ERBIN: variants seen among roughly 807,000 people sequenced by gnomAD.
ERBIN encodes the protein erbb2 interacting protein.
Under a neutral mutation model 158.4 loss-of-function variants are expected in ERBIN, and 60 were observed. The observed-to-expected ratio is 0.38, with a 90% CI of 0.31 to 0.47. ERBIN has a LOEUF of 0.47. Ranked by LOEUF, ERBIN falls within the 20% of genes least tolerant of loss-of-function variation. The pLI is 0.99. For missense variants in ERBIN, 1,610 were observed against 1,648.0 expected (o/e 0.98, Z 0.40); for synonymous variants, 594 against 557.2 (o/e 1.07, Z -0.93).
At chr5:65,996,809 T>C (rs1166356467) in intron 4 of ERBIN, among the ~76,000 whole-genome samples, 1 of 152,172 alleles carries the variant, frequency 6.6e-6, no homozygotes, top group Non-Finnish European at 1.5e-5. Context: ...TTTCATCAAA[T>C]GTTCTATAGT....
At chr5:65,940,481 C>T (rs1165436579) in intron 1 of ERBIN, among the ~76,000 whole-genome samples, 1 of 128,252 alleles carries the variant, frequency 7.8e-6, no homozygotes, top group Non-Finnish European at 1.7e-5. Context: ...GTCAGTCCCC[C>T]CCCCCCCGGC....
At chr5:65,957,611 C>T (rs993016701) in intron 1 of ERBIN, among the ~76,000 whole-genome samples, 2 of 152,222 alleles carry the variant, frequency 1.3e-5, no homozygotes, top group African/African-American at 4.8e-5. Context: ...CCCATGTCTA[C>T]TTCTTTCCAC....
chr5:65,987,692 A>G (rs375686100), intron 1 of ERBIN, among the ~76,000 whole-genome samples: 44 of 152,210 alleles, frequency 2.9e-4, no homozygotes, highest in African/African-American at 1.0e-3. Flanking sequence ...GTCTCTCTAA[A>G]GAGTTAGCCA....
chr5:65,942,908 CAAAAA>C (rs56041538), intron 1 of ERBIN, among the ~76,000 whole-genome samples: 2 of 138,670 alleles, frequency 1.4e-5, no homozygotes, highest in Non-Finnish European at 3.1e-5. Flanking sequence ...ACTCCGTCTC[CAAAAA>C]AAAAAAAAAA....
intron 1 of ERBIN, among the ~76,000 whole-genome samples, chr5:65,987,367 T>TACACAAACACACACACACACACACACAC (rs1751348869): frequency 2.2e-5 from 3 of 135,798 alleles, no homozygotes; most frequent in Non-Finnish European, 4.7e-5. Context: ...AGAGACTGTC[T>TACACAAACACACACACACACACACACAC]ACACACACAC....
At position 66,051,509 on chromosome 5, in the gene ERBIN, G is replaced by GA. The variant is rs988047290; in HGVS notation, c.2087+552dup. On this transcript the variant is annotated intron_variant, in intron 20 of 25. Transcript: ENST00000284037. ...ATAATGTTGGCAGTGGGTTTGAAAAGAAAAAAAAAGAAGAAATTTGGTTAT... is the reference window on the plus strand; with the variant it reads ...ATAATGTTGGCAGTGGGTTTGAAAAGAAAAAAAAAAGAAGAAATTTGGTTAT... Among the ~76,000 whole-genome samples the GA allele has an allele frequency of 1.3e-4, 19 of 150,964 alleles. No individual in the cohort carries two copies. The South Asian group carries it at 1.7e-3, about 13-fold the overall frequency.
intron 4 of ERBIN, among the ~76,000 whole-genome samples, chr5:65,998,962 A>C (rs1372863206): frequency 2.6e-5 from 4 of 152,018 alleles, no homozygotes; most frequent in Non-Finnish European, 5.9e-5. Flanking sequence ...AAAAGAACAC[A>C]CATGGCTCCA....
intron 19 of ERBIN, among the ~76,000 whole-genome samples, chr5:66,049,496 C>T (rs1004977753): frequency 5.3e-5 from 8 of 152,002 alleles, no homozygotes; most frequent in South Asian, 2.1e-4. Context: ...AAATATTTTA[C>T]GTGTTATTAT....
At chr5:66,027,539 G>A (rs778429021) in intron 13 of ERBIN, among the ~76,000 whole-genome samples, 1 of 152,026 alleles carries the variant, frequency 6.6e-6, no homozygotes, top group South Asian at 2.1e-4. Flanking sequence ...AATTGTGTCA[G>A]TACTGAACGT....
chr5:65,954,687 C>T (rs7721508), intron 1 of ERBIN, among the ~76,000 whole-genome samples: 6,086 of 151,222 alleles, frequency 0.04, 412 homozygotes, highest in African/African-American at 0.14. Flanking sequence ...GCATGTCCCA[C>T]GAAAGTTTAA....
intron 1 of ERBIN, among the ~76,000 whole-genome samples, chr5:65,931,860 C>T (rs946873312): frequency 6.7e-6 from 1 of 149,330 alleles, no homozygotes; most frequent in Non-Finnish European, 1.5e-5. Flanking sequence ...CTCTTGTTGC[C>T]CAGACTGGAG....
rs1762310241 is a variant in ERBIN at position 66,079,941 on chromosome 5, CAT to C, written c.*1412_*1413del. Reference sequence around the variant, plus strand: ...ATGTAATCAAATAAAATTTGAGTAACATGTAATGGTAAGGATTAATGCATGGT... The same window carrying C: ...ATGTAATCAAATAAAATTTGAGTAACGTAATGGTAAGGATTAATGCATGGT... On this transcript the variant is annotated 3_prime_UTR_variant, in exon 26 of 26. Coordinates refer to ENST00000284037, the MANE Select transcript of ERBIN (RefSeq NM_001253697.2). The C allele has an allele frequency of 1.3e-5, 2 of 152,008 alleles. 1 individual carries two copies. The highest frequency in any genetic ancestry group is 4.1e-4 in the South Asian group (2 of 4,826). The allele number at this position is 152,008 out of a possible 1,614,324, so 9.4% of individuals were successfully genotyped here. A position where few individuals can be genotyped will look rare whatever the true frequency, so the allele number is the denominator to read the frequency against.
At chr5:66,065,726 C>T (rs549968268) in intron 21 of ERBIN, among the ~76,000 whole-genome samples, 16 of 151,010 alleles carry the variant, frequency 1.1e-4, no homozygotes, top group Middle Eastern at 3.4e-3. Context: ...GAAATTCAGG[C>T]GCAGAATAAT....
chr5:65,958,982 C>G (rs1352673439), intron 1 of ERBIN, among the ~76,000 whole-genome samples: 1 of 152,132 alleles, frequency 6.6e-6, no homozygotes, highest in Non-Finnish European at 1.5e-5. Context: ...AATATTTCAT[C>G]GGCATGTAAC....
chr5:65,933,322 T>A (rs1016416178), intron 1 of ERBIN, among the ~76,000 whole-genome samples: 3 of 152,232 alleles, frequency 2.0e-5, no homozygotes, highest in Non-Finnish European at 4.4e-5. Flanking sequence ...TAAATATATG[T>A]TCCCAGCCCA....
intron 4 of ERBIN, among the ~76,000 whole-genome samples, chr5:66,005,249 G>C (rs1303427455): frequency 1.3e-5 from 2 of 152,162 alleles, no homozygotes; most frequent in Non-Finnish European, 2.9e-5. Flanking sequence ...TCGGATGTGG[G>C]ATGTGAGAGA....
intron 16 of ERBIN, among the ~76,000 whole-genome samples, chr5:66,043,807 A>G (rs952207777): frequency 6.6e-6 from 1 of 152,164 alleles, no homozygotes; most frequent in Non-Finnish European, 1.5e-5. Flanking sequence ...TGAATTTTAT[A>G]TATACGTAGA....
At chr5:65,989,647 A>G (rs868860410) in intron 2 of ERBIN, among the ~76,000 whole-genome samples, 1 of 152,214 alleles carries the variant, frequency 6.6e-6, no homozygotes, top group South Asian at 2.1e-4. Flanking sequence ...AAATTGTCTT[A>G]TATCTCAAGT....
At chr5:66,045,932 T>C (rs552513485) in intron 17 of ERBIN, among the ~76,000 whole-genome samples, 3 of 152,234 alleles carry the variant, frequency 2.0e-5, no homozygotes, top group Non-Finnish European at 4.4e-5. Flanking sequence ...AAATCGTCTG[T>C]ATATTCCTTT....
Sources: allele counts gnomAD v4.1 joint callset (sites outside exome capture counted in the v4.1 genomes callset), GRCh38; gene constraint gnomAD v4.1.1; transcripts MANE v1.5; gene names NCBI Gene and HGNC (gene_info 2026-07-23, HGNC 2026-07-21).